EXOC6: variants seen among roughly 807,000 people sequenced by gnomAD.
EXOC6 encodes the protein SEC15-like 1.
A neutral mutation model predicts 112.5 loss-of-function variants in EXOC6; 60 were observed. The ratio of observed to expected loss-of-function variants is 0.53; its 90% confidence interval spans 0.43 to 0.66. EXOC6 has a LOEUF of 0.66. EXOC6 is among the 30% of genes least tolerant of loss of function. The pLI, the probability that EXOC6 is intolerant of heterozygous loss-of-function variation, is 0.00. For synonymous variants in EXOC6, 295 were observed against 308.0 expected, an observed-to-expected ratio of 0.96 and a Z score of 0.44; for missense variants, 855 against 957.1, an observed-to-expected ratio of 0.89 and a Z score of 1.41.
At chr10:92,858,256 G>A (rs564273587) in intron 1 of EXOC6, among the ~76,000 whole-genome samples, 1 of 152,102 alleles carries the variant, frequency 6.6e-6, no homozygotes, top group East Asian at 1.9e-4. Context: ...AGATATGTAG[G>A]TTAATGTTTT....
intron 20 of EXOC6, among the ~76,000 whole-genome samples, chr10:93,048,821 T>C (rs1025884829): frequency 6.6e-6 from 1 of 152,076 alleles, no homozygotes; most frequent in African/African-American, 2.4e-5. Flanking sequence ...CAGGAAACTT[T>C]AATTAAATAT....
intron 20 of EXOC6, among the ~76,000 whole-genome samples, chr10:93,054,408 A>G (rs1164503422): frequency 6.6e-6 from 1 of 152,254 alleles, no homozygotes; most frequent in East Asian, 1.9e-4. Flanking sequence ...AGATACCTGT[A>G]AATTAACTGT....
chr10:92,986,913 A>G (rs1843033795), intron 18 of EXOC6, among the ~76,000 whole-genome samples: 1 of 152,138 alleles, frequency 6.6e-6, no homozygotes, highest in African/African-American at 2.4e-5. Context: ...CCAGTGATTT[A>G]GTTTTTACTT....
At chr10:93,045,315 C>G (rs1422755153) in intron 20 of EXOC6, among the ~76,000 whole-genome samples, 3 of 152,132 alleles carry the variant, frequency 2.0e-5, no homozygotes, top group African/African-American at 7.2e-5. Flanking sequence ...CTAAATTAAT[C>G]TAGCTGTTGG....
intron 18 of EXOC6, among the ~76,000 whole-genome samples, chr10:92,974,764 C>T (rs1333703364): frequency 3.9e-5 from 6 of 152,152 alleles, no homozygotes; most frequent in African/African-American, 9.7e-5. Context: ...GACGGGGTTT[C>T]GCTGTGTTGG....
chr10:93,021,720 A>G (rs1249516016), intron 20 of EXOC6, among the ~76,000 whole-genome samples: 2 of 152,200 alleles, frequency 1.3e-5, no homozygotes, highest in Non-Finnish European at 2.9e-5. Flanking sequence ...TAAGTTTCCT[A>G]CTGGTGTAAG....
chr10:92,915,155 G>T (rs1851009381), intron 6 of EXOC6, among the ~76,000 whole-genome samples: 1 of 152,200 alleles, frequency 6.6e-6, no homozygotes, highest in Non-Finnish European at 1.5e-5. Flanking sequence ...GAAGTTGGGA[G>T]TATGGCCAAA....
chr10:92,875,882 C>G (rs546217331), intron 1 of EXOC6, among the ~76,000 whole-genome samples: 3 of 151,802 alleles, frequency 2.0e-5, no homozygotes, highest in Admixed American at 6.6e-5. Context: ...AATAAAAATA[C>G]AATTTTTTGA....
intron 18 of EXOC6, among the ~76,000 whole-genome samples, chr10:92,975,897 C>T (rs1375899033): frequency 7.0e-6 from 1 of 142,716 alleles, no homozygotes; most frequent in Non-Finnish European, 1.6e-5. Flanking sequence ...GCCTGGCCAG[C>T]CGCCCCGTCC....
chr10:92,886,837 C>T (rs1424384505), intron 1 of EXOC6, among the ~76,000 whole-genome samples: 2 of 152,182 alleles, frequency 1.3e-5, no homozygotes, highest in African/African-American at 4.8e-5. Flanking sequence ...TCAAGACCTA[C>T]TCTTCTCATT....
intron 20 of EXOC6, among the ~76,000 whole-genome samples, chr10:93,023,446 A>G (rs1173175161): frequency 6.6e-6 from 1 of 152,206 alleles, no homozygotes; most frequent in Non-Finnish European, 1.5e-5. Flanking sequence ...CATACTTGCT[A>G]ATGGAAGCCA....
intron 20 of EXOC6, among the ~76,000 whole-genome samples, chr10:93,029,208 G>A (rs9419763): frequency 0.13 from 19,683 of 152,066 alleles, 1,429 homozygotes; most frequent in African/African-American, 0.18. Flanking sequence ...GGGTGTGTAC[G>A]TTGTTTTTTC....
At chr10:92,977,089 T>C (rs995620962) in intron 18 of EXOC6, among the ~76,000 whole-genome samples, 3 of 152,170 alleles carry the variant, frequency 2.0e-5, no homozygotes, top group Non-Finnish European at 4.4e-5. Flanking sequence ...GTTTAACCCA[T>C]TTATGCTGGA....
At chr10:92,848,947 G>A (rs1243136566) in intron 1 of EXOC6, among the ~76,000 whole-genome samples, 1 of 152,250 alleles carries the variant, frequency 6.6e-6, no homozygotes, top group East Asian at 1.9e-4. Context: ...CCTGGCTGCG[G>A]CCCCCGGGCC....
intron 11 of EXOC6, among the ~76,000 whole-genome samples, chr10:92,935,377 CAG>C (rs1472223157): frequency 2.0e-5 from 3 of 151,998 alleles, no homozygotes; most frequent in Admixed American, 1.3e-4. Flanking sequence ...ATGACAGGGA[CAG>C]AGTAAATCTC....
chr10:92,917,706 A>T (rs7068012), intron 7 of EXOC6, among the ~76,000 whole-genome samples: 69,890 of 151,372 alleles, frequency 0.46, 17,202 homozygotes, highest in African/African-American at 0.63. Flanking sequence ...AAAAAAAAAA[A>T]TTTCTTATAG....
At chr10:92,859,640 G>A (rs1312850327) in intron 1 of EXOC6, among the ~76,000 whole-genome samples, 3 of 152,194 alleles carry the variant, frequency 2.0e-5, no homozygotes. Context: ...CAGCAAACCT[G>A]TGGGTTCCCC....
At chr10:92,941,612 A>T (rs562156781) in intron 13 of EXOC6, among the ~76,000 whole-genome samples, 2 of 152,318 alleles carry the variant, frequency 1.3e-5, no homozygotes, top group South Asian at 2.1e-4. Context: ...TACTTATAAG[A>T]CTATAAGTAT....
chr10:92,902,930 A>T (rs1041408595), intron 5 of EXOC6, among the ~76,000 whole-genome samples: 10 of 152,082 alleles, frequency 6.6e-5, no homozygotes, highest in Admixed American at 1.3e-4. Flanking sequence ...GAATTTGTTT[A>T]TCTATCCATT....
Sources: allele counts gnomAD v4.1 joint callset (sites outside exome capture counted in the v4.1 genomes callset), GRCh38; gene constraint gnomAD v4.1.1; transcripts MANE v1.5; gene names NCBI Gene and HGNC (gene_info 2026-07-23, HGNC 2026-07-21).